IL1RAPL1: variants seen among roughly 807,000 people sequenced by gnomAD.
The protein encoded by IL1RAPL1 is interleukin 1 receptor accessory protein like 1.
IL1RAPL1 carries 3 observed loss-of-function variants against 48.4 expected under a neutral mutation model. That is an observed-to-expected ratio of 0.06 (90% CI 0.03 to 0.16). The LOEUF is 0.16. Ranked by LOEUF, IL1RAPL1 falls within the 10% of genes least tolerant of loss-of-function variation. IL1RAPL1 has a pLI of 1.00. For missense variants in IL1RAPL1, 349 were observed against 530.6 expected (o/e 0.66, Z 3.36); for synonymous variants, 185 against 187.7 (o/e 0.99, Z 0.12).
intron 2 of IL1RAPL1, among the ~76,000 whole-genome samples, chrX:28,867,485 G>A (rs928105637): frequency 8.3e-4 from 93 of 112,066 alleles, no homozygotes; most frequent in East Asian, 1.7e-3. Context: ...TCTAATGGGA[G>A]TCAGAAATAA....
intron 6 of IL1RAPL1, among the ~76,000 whole-genome samples, chrX:29,901,361 A>G (rs1407642519): frequency 2.7e-5 from 3 of 111,991 alleles, no homozygotes; most frequent in African/African-American, 9.7e-5. Flanking sequence ...CTCTGCCTCA[A>G]GAGGTATCAG....
intron 8 of IL1RAPL1, among the ~76,000 whole-genome samples, chrX:29,931,758 G>A (rs199705210): frequency 8.9e-6 from 1 of 112,168 alleles, no homozygotes; most frequent in East Asian, 2.8e-4. Context: ...CCCAATGGAA[G>A]ACCAAATTGT....
rs1340475545 is a variant in IL1RAPL1, at chrX:29,623,107, A to G, written c.704-45323A>G. ...AACATGGCGAAACCCTGTCTCCACTAAAAAAAAAAAAAAAAAATGCAAAAA... is the reference window on the plus strand; with the variant it reads ...AACATGGCGAAACCCTGTCTCCACTGAAAAAAAAAAAAAAAAATGCAAAAA... On this transcript the variant is annotated intron_variant, in intron 5 of 10. Transcript: ENST00000378993. Among the ~76,000 whole-genome samples the G allele has an allele frequency of 6.7e-5, 5 of 74,547 alleles. No homozygotes were observed. In the South Asian group the frequency reaches 2.8e-3, roughly 42 times the overall value. The allele number at this position is 74,547 out of a possible 115,157, so 64.7% of individuals were successfully genotyped here. A position where few individuals can be genotyped will look rare whatever the true frequency, so the allele number is the denominator to read the frequency against.
intron 5 of IL1RAPL1, among the ~76,000 whole-genome samples, chrX:29,645,271 C>A (rs776708357): frequency 9.0e-6 from 1 of 111,566 alleles, no homozygotes; most frequent in Non-Finnish European, 1.9e-5. Context: ...AACAACTATC[C>A]ATGCATGAAA....
chrX:29,243,747 T>A (rs1157531780), intron 2 of IL1RAPL1, among the ~76,000 whole-genome samples: 4 of 111,897 alleles, frequency 3.6e-5, no homozygotes, highest in Non-Finnish European at 7.5e-5. Flanking sequence ...AGATCCACTC[T>A]ACCTAGGATC....
At chrX:28,722,676 C>T (rs917502393) in intron 1 of IL1RAPL1, among the ~76,000 whole-genome samples, 4 of 111,473 alleles carry the variant, frequency 3.6e-5, no homozygotes, top group Middle Eastern at 4.2e-3. Context: ...TGCCAGTTTT[C>T]GAAGGGAATG....
chrX:28,782,207 A>G (rs1290896754), intron 1 of IL1RAPL1, among the ~76,000 whole-genome samples: 1 of 111,281 alleles, frequency 9.0e-6, no homozygotes, highest in Non-Finnish European at 1.9e-5. Flanking sequence ...TGTATGTTGG[A>G]AATATGTTTG....
intron 6 of IL1RAPL1, among the ~76,000 whole-genome samples, chrX:29,700,147 G>A (rs1006644054): frequency 3.6e-5 from 4 of 111,217 alleles, no homozygotes; most frequent in Non-Finnish European, 7.6e-5. Flanking sequence ...GAAAAAAAAA[G>A]AAAGAATGAA....
At chrX:28,899,500 C>G (rs1342029663) in intron 2 of IL1RAPL1, among the ~76,000 whole-genome samples, 1 of 111,777 alleles carries the variant, frequency 8.9e-6, no homozygotes, top group African/African-American at 3.3e-5. Context: ...AAGTACTAAA[C>G]AAAGAATTAT....
intron 1 of IL1RAPL1, among the ~76,000 whole-genome samples, chrX:28,594,207 G>A (rs1487843157): frequency 9.0e-6 from 1 of 111,301 alleles, no homozygotes; most frequent in African/African-American, 3.3e-5. Flanking sequence ...CAGAGAAAAT[G>A]AAAGGTAAGT....
intron 1 of IL1RAPL1, among the ~76,000 whole-genome samples, chrX:28,627,160 G>T (rs765105939): frequency 8.9e-6 from 1 of 111,980 alleles, no homozygotes; most frequent in Non-Finnish European, 1.9e-5. Flanking sequence ...TCAGTTCATG[G>T]CTCCCTTTAA....
chrX:28,907,535 G>C (rs758047819), intron 2 of IL1RAPL1, among the ~76,000 whole-genome samples: 2 of 112,817 alleles, frequency 1.8e-5, no homozygotes, highest in Non-Finnish European at 3.7e-5. Context: ...GATTACAGGC[G>C]CAAGCCACTG....
intron 2 of IL1RAPL1, among the ~76,000 whole-genome samples, chrX:28,874,613 A>G (rs1333971191): frequency 8.9e-6 from 1 of 112,216 alleles, no homozygotes; most frequent in African/African-American, 3.2e-5. Flanking sequence ...CACTTTCAAT[A>G]ATGTTTGTAT....
intron 2 of IL1RAPL1, among the ~76,000 whole-genome samples, chrX:29,001,519 G>GA (rs1192872861): frequency 5.4e-5 from 6 of 110,966 alleles, no homozygotes; most frequent in Non-Finnish European, 9.5e-5. Flanking sequence ...TTTCACAGAG[G>GA]AAAAAAAATG....
chrX:29,561,412 G>A (rs1922191275), intron 5 of IL1RAPL1, among the ~76,000 whole-genome samples: 1 of 112,163 alleles, frequency 8.9e-6, no homozygotes, highest in Admixed American at 9.4e-5. Flanking sequence ...ATGATGCAAT[G>A]AGTAGAAACA....
chrX:29,675,774 A>G (rs1316100072), intron 6 of IL1RAPL1, among the ~76,000 whole-genome samples: 1 of 111,003 alleles, frequency 9.0e-6, no homozygotes, highest in Non-Finnish European at 1.9e-5. Context: ...TATTTTTAGT[A>G]GAGACGGGGT....
At chrX:29,001,722 G>GA (rs1044183754) in intron 2 of IL1RAPL1, among the ~76,000 whole-genome samples, 1 of 111,049 alleles carries the variant, frequency 9.0e-6, no homozygotes, top group Non-Finnish European at 1.9e-5. Flanking sequence ...TTAATTGATG[G>GA]AAAATGAGCA....
chrX:29,289,680 A>G (rs1211086547), intron 3 of IL1RAPL1, among the ~76,000 whole-genome samples: 3 of 112,235 alleles, frequency 2.7e-5, no homozygotes, highest in African/African-American at 9.7e-5. Context: ...TATCTTTACC[A>G]TATTGAGTCT....
chrX:28,979,042 T>C (rs1000524769), intron 2 of IL1RAPL1, among the ~76,000 whole-genome samples: 22 of 111,752 alleles, frequency 2.0e-4, no homozygotes, highest in African/African-American at 7.2e-4. Flanking sequence ...ACATCTATCG[T>C]ATGACCACAG....
Sources: allele counts gnomAD v4.1 joint callset (sites outside exome capture counted in the v4.1 genomes callset), GRCh38; gene constraint gnomAD v4.1.1; transcripts MANE v1.5; gene names NCBI Gene and HGNC (gene_info 2026-07-23, HGNC 2026-07-21).